Variants in ZC2HC1A observed in about 807,000 individuals in gnomAD.
ZC2HC1A encodes zinc finger C2HC domain-containing protein 1A.
Under a neutral mutation model 40.7 loss-of-function variants are expected in ZC2HC1A, and 28 were observed. That is an observed-to-expected ratio of 0.69 (90% CI 0.51 to 0.94). The LOEUF (loss-of-function observed/expected upper bound fraction) is 0.94, where lower values mean the gene tolerates loss of function less well. ZC2HC1A is among the 40% of genes least tolerant of loss of function. ZC2HC1A has a pLI of 0.00. For missense variants in ZC2HC1A, 389 were observed against 386.3 expected (o/e 1.01, Z -0.06); for synonymous variants, 129 against 129.2 (o/e 1.00, Z 0.01).
At chr8:78,686,634 T>C (rs752036141) in intron 4 of ZC2HC1A, 26 bp downstream of exon 4, 2 of 1,444,150 alleles carry the variant, frequency 1.4e-6, no homozygotes, top group Non-Finnish European at 1.8e-6. Flanking sequence ...TTGACAGAAA[T>C]GTTCATGTGG....
In ZC2HC1A at chr8:78,686,468, C is replaced by T; in HGVS notation, c.212C>T (p.Pro71Leu). Residue 71 changes from proline (P) to leucine (L), a missense_variant and splice_region_variant, in exon 4 of 9, where the codon CCA (proline) becomes CTA (leucine). Physicochemically the swap from Pro to Leu is moderately conservative, Grantham distance 98. Transcript: ENST00000263849. ...IPTVKPLKPRPEPPKKPSNWR... is the reference protein window; with the variant it reads ...IPTVKPLKPRLEPPKKPSNWR... ...ATTTATTTATTTATTTATTTATAGC[C>T]AGAACCACCAAAGAAACCATCTAAT... 7.2e-7 allele frequency: 1 copy of T among 1,396,310 alleles called. No individual in the cohort carries two copies. The highest frequency in any genetic ancestry group is 9.4e-7 in the Non-Finnish European group (1 of 1,059,270). The allele number at this position is 1,396,310 out of a possible 1,614,324, so 86.5% of individuals were successfully genotyped here.
chr8:78,674,590 C>T (rs1809521084), intron 1 of ZC2HC1A, among the ~76,000 whole-genome samples: 1 of 152,116 alleles, frequency 6.6e-6, no homozygotes, highest in Non-Finnish European at 1.5e-5. Flanking sequence ...CTTAGCTTTG[C>T]TTTTGTAGTG....
chr8:78,677,990 G>T (rs1809637481), intron 2 of ZC2HC1A, among the ~76,000 whole-genome samples: 1 of 152,158 alleles, frequency 6.6e-6, no homozygotes, highest in African/African-American at 2.4e-5. Context: ...TCCTGATGTT[G>T]CCATGGCATT....
chr8:78,676,033 T>A (rs1438596836), intron 2 of ZC2HC1A, 170 bp downstream of exon 2: 6 of 448,984 alleles, frequency 1.3e-5, no homozygotes, highest in African/African-American at 1.2e-4. Context: ...CCAGAATGCT[T>A]TCTTTCCTTC....
At chr8:78,696,330 A>G (rs1810413644) in intron 5 of ZC2HC1A, among the ~76,000 whole-genome samples, 1 of 152,150 alleles carries the variant, frequency 6.6e-6, no homozygotes, top group East Asian at 1.9e-4. Context: ...CACCGTGCCC[A>G]GCCCGTTAAA....
intron 3 of ZC2HC1A, among the ~76,000 whole-genome samples, chr8:78,680,265 C>T (rs1250897087): frequency 1.7e-5 from 2 of 118,056 alleles, no homozygotes; most frequent in Non-Finnish European, 3.2e-5. Flanking sequence ...CCGGCCTGGG[C>T]GACAGAGCGA....
At chr8:78,714,307 TA>T (rs1811033548) in intron 7 of ZC2HC1A, among the ~76,000 whole-genome samples, 1 of 152,154 alleles carries the variant, frequency 6.6e-6, no homozygotes, top group South Asian at 2.1e-4. Flanking sequence ...ATTATTAGGA[TA>T]AATAAATTTC....
intron 1 of ZC2HC1A, among the ~76,000 whole-genome samples, chr8:78,671,776 T>G (rs1408779148): frequency 1.3e-5 from 2 of 151,678 alleles, no homozygotes; most frequent in African/African-American, 4.8e-5. Context: ...TAAGTGGAAG[T>G]TATTTCCTTA....
intron 1 of ZC2HC1A, among the ~76,000 whole-genome samples, chr8:78,667,681 T>C (rs898959375): frequency 2.0e-5 from 3 of 152,182 alleles, no homozygotes; most frequent in African/African-American, 7.2e-5. Flanking sequence ...TATGGGCATC[T>C]TTTTAGGTTC....
chr8:78,681,765 A>G (rs1809790436), intron 3 of ZC2HC1A, among the ~76,000 whole-genome samples: 1 of 152,108 alleles, frequency 6.6e-6, no homozygotes, highest in Admixed American at 6.5e-5. Context: ...GTGTTTTCCA[A>G]GGACATTGCC....
intron 7 of ZC2HC1A, among the ~76,000 whole-genome samples, chr8:78,704,508 T>TTC (rs1186406940): frequency 6.6e-6 from 1 of 152,162 alleles, no homozygotes; most frequent in Non-Finnish European, 1.5e-5. Flanking sequence ...GACCTGGCCT[T>TTC]TCTCTCTAGC....
At chr8:78,684,481 A>G (rs963732903) in intron 3 of ZC2HC1A, among the ~76,000 whole-genome samples, 19 of 152,304 alleles carry the variant, frequency 1.2e-4, no homozygotes, top group African/African-American at 3.8e-4. Flanking sequence ...GAGTACCCCC[A>G]TAACAGGTGG....
At chr8:78,692,344 G>A (rs991402213) in intron 5 of ZC2HC1A, among the ~76,000 whole-genome samples, 2 of 152,118 alleles carry the variant, frequency 1.3e-5, no homozygotes, top group East Asian at 1.9e-4. Context: ...CTATAGTTCA[G>A]TCTTATTTAT....
At chr8:78,692,165 A>G (rs1339940733) in intron 5 of ZC2HC1A, among the ~76,000 whole-genome samples, 1 of 152,092 alleles carries the variant, frequency 6.6e-6, no homozygotes, top group Admixed American at 6.5e-5. Flanking sequence ...CCCTTTGACC[A>G]TCATCATCAT....
At position 78,666,173 on chromosome 8, in the gene ZC2HC1A, A is replaced by G; in HGVS notation, c.16+9A>G. 1 of 1,574,302 alleles carries G rather than the reference A, an allele frequency of 6.4e-7. No individual in the cohort carries two copies. Among genetic ancestry groups the G allele is most frequent in the Non-Finnish European group, 8.6e-7 (1 of 1,160,208 alleles). On this transcript the variant is annotated intron_variant, in intron 1 of 8. Transcript: ENST00000263849. ...GATGGAGGGACTGGAAGGTGAGGCG[A>G]TGAAGGGATGAGGGCAGGACGGCTA...
At chr8:78,703,916 C>G (rs181366849) in intron 7 of ZC2HC1A, among the ~76,000 whole-genome samples, 5 of 152,222 alleles carry the variant, frequency 3.3e-5, no homozygotes, top group Admixed American at 2.6e-4. Flanking sequence ...TGTAGTGGCT[C>G]GTAATTGTCT....
intron 1 of ZC2HC1A, among the ~76,000 whole-genome samples, chr8:78,669,078 TTC>T (rs34422788): frequency 0.56 from 84,339 of 151,770 alleles, 25,532 homozygotes; most frequent in South Asian, 0.7. Context: ...TCATCAAAAT[TTC>T]TGTTTTGTTT....
At chr8:78,687,589 AT>A (rs1169063448) in intron 4 of ZC2HC1A, among the ~76,000 whole-genome samples, 1 of 140,290 alleles carries the variant, frequency 7.1e-6, no homozygotes, top group Non-Finnish European at 1.5e-5. Flanking sequence ...TACGTAATAA[AT>A]TATATATATT....
chr8:78,696,216 A>T lies in ZC2HC1A; in HGVS notation c.505-1191A>T, dbSNP rs2130535890. Among the ~76,000 whole-genome samples the T allele has an allele frequency of 3.9e-5, 6 of 152,172 alleles. No homozygotes were observed. In the East Asian group the frequency reaches 9.7e-4, roughly 25 times the overall value. ...CGCCCGGCTAATTTTTTGTATTTTTAGTAGAGACGGGGTTTCACTGTGTTA... is the reference window on the plus strand; with the variant it reads ...CGCCCGGCTAATTTTTTGTATTTTTTGTAGAGACGGGGTTTCACTGTGTTA... On this transcript the variant is annotated intron_variant, in intron 5 of 8. Coordinates refer to ENST00000263849, the MANE Select transcript of ZC2HC1A (RefSeq NM_016010.3).
Sources: allele counts gnomAD v4.1 joint callset (sites outside exome capture counted in the v4.1 genomes callset), GRCh38; gene constraint gnomAD v4.1.1; transcripts MANE v1.5; gene names NCBI Gene and HGNC (gene_info 2026-07-23, HGNC 2026-07-21).